SLC17A9: variants seen among roughly 807,000 people sequenced by gnomAD.
SLC17A9 encodes voltage-gated purine nucleotide uniporter SLC17A9.
In SLC17A9, 49 loss-of-function variants were observed where a neutral mutation model predicts 55.0. The ratio of observed to expected loss-of-function variants is 0.89; its 90% confidence interval spans 0.71 to 1.13. SLC17A9 has a LOEUF of 1.13. Among genes scored for constraint, SLC17A9 ranks in the 50% most tolerant of loss-of-function variants. The pLI is 0.00. For missense variants in SLC17A9, 526 were observed against 569.3 expected (o/e 0.92, Z 0.77); for synonymous variants, 256 against 247.4 (o/e 1.03, Z -0.32).
chr20:62,960,094 A>G (rs2065576279), intron 3 of SLC17A9, among the ~76,000 whole-genome samples: 1 of 152,264 alleles, frequency 6.6e-6, no homozygotes, highest in Non-Finnish European at 1.5e-5. Flanking sequence ...GTATGCGTGT[A>G]TCTGCATCAG....
rs768799274 is a variant in SLC17A9, at chr20:62,962,476, G to T, written c.498-148G>T. 1 of 994,470 alleles carries T rather than the reference G, an allele frequency of 1.0e-6. No individual in the cohort carries two copies. The highest frequency in any genetic ancestry group is 1.4e-6 in the Non-Finnish European group (1 of 698,898). 61.6% of individuals were successfully genotyped at this position (994,470 alleles called of 1,614,324 possible). A position where few individuals can be genotyped will look rare whatever the true frequency, so the allele number is the denominator to read the frequency against. On this transcript the variant is annotated intron_variant, in intron 4 of 12. Transcript: ENST00000370351. This position sits in a 1 kb window ranked among gnomAD's most constrained non-coding sequence, Gnocchi z 5.5. ...AGTCCTTAACAAAACAGGCCAGGAC[G>T]GTGGCTTCTGAGCTGCTCCTCTGGA... is the stretch of plus-strand genomic sequence containing the variant.
In SLC17A9 at chr20:62,958,687, C is replaced by A. The variant is rs558247051; in HGVS notation, c.397+1107C>A. Among the ~76,000 whole-genome samples the A allele has an allele frequency of 2.2e-4, 34 of 152,328 alleles. No individual in the cohort carries two copies. The South Asian group carries it at 6.8e-3, about 31-fold the overall frequency. On this transcript the variant is annotated intron_variant, in intron 3 of 12. Transcript: ENST00000370351. This position sits in a 1 kb window ranked among gnomAD's most constrained non-coding sequence, Gnocchi z 4.1. ...CCCTAGAACCTCTGCCCTCCCTCTC[C>A]TCCAAGTCCAGAGACTTTGGGGAGT...
At chr20:62,964,633 T>C (rs914709092) in intron 8 of SLC17A9, among the ~76,000 whole-genome samples, 11 of 152,180 alleles carry the variant, frequency 7.2e-5, no homozygotes, top group Non-Finnish European at 1.0e-4. Context: ...TTCCATGTGC[T>C]CCAGACCCAC....
In SLC17A9 at chr20:62,967,681, C is replaced by A. The variant is rs1005780203; in HGVS notation, c.*181C>A. ...ACAGCTGGTGGGAGGGTGGGGTGGG[C>A]CTGGGTCCAGACCAGGCTCGCTGCT... On this transcript the variant is annotated 3_prime_UTR_variant, in exon 13 of 13. Transcript: ENST00000370351. 13 of 568,590 alleles carry A rather than the reference C, an allele frequency of 2.3e-5. No homozygotes were observed. The African/African-American group carries it at 2.3e-4, about 10-fold the overall frequency. The allele number at this position is 568,590 out of a possible 1,614,324, so 35.2% of individuals were successfully genotyped here.
chr20:62,966,494 G>A (rs775386388), intron 10 of SLC17A9, 31 bp from the exon 11 acceptor site: 8 of 1,611,842 alleles, frequency 5.0e-6, no homozygotes, highest in Non-Finnish European at 6.8e-6. Flanking sequence ...TGGTGGCCAG[G>A]GCCACTCACC....
chr20:62,955,179 A>G (rs1601084093), intron 1 of SLC17A9, among the ~76,000 whole-genome samples: 1 of 140,758 alleles, frequency 7.1e-6, no homozygotes, highest in South Asian at 2.3e-4. Flanking sequence ...GTGGAGTCTC[A>G]CTCTGTCGCC....
At chr20:62,961,405 C>T (rs2147653732) in intron 4 of SLC17A9, among the ~76,000 whole-genome samples, 1 of 152,296 alleles carries the variant, frequency 6.6e-6, no homozygotes, top group South Asian at 2.1e-4. Context: ...GATGCGGCAA[C>T]CCCGTGCCCC....
chr20:62,954,345 C>G (rs2065517357), intron 1 of SLC17A9, among the ~76,000 whole-genome samples: 1 of 152,234 alleles, frequency 6.6e-6, no homozygotes, highest in East Asian at 1.9e-4. Flanking sequence ...GGGCGGCACC[C>G]ACACTCTCCG....
chr20:62,952,788 C>A lies in SLC17A9; in HGVS notation c.-43C>A. 1 of 1,528,616 alleles carries A rather than the reference C, an allele frequency of 6.5e-7. No individual in the cohort carries two copies. The allele number at this position is 1,528,616 out of a possible 1,614,324, so 94.7% of individuals were successfully genotyped here. A position where few individuals can be genotyped will look rare whatever the true frequency, so the allele number is the denominator to read the frequency against. On this transcript the variant is annotated 5_prime_UTR_variant, in exon 1 of 13. Transcript: ENST00000370351. ...GTCAGCCTGGGCTGGGAGGCAGCCC[C>A]GGGACACAGCTGTGCCCACGCCGTC...
rs989384205 is a variant in SLC17A9, at chr20:62,968,668, T to C, written c.*1168T>C. 1 of 150,578 alleles carries C rather than the reference T, an allele frequency of 6.6e-6. No homozygotes were observed. Among genetic ancestry groups the C allele is most frequent in the Non-Finnish European group, 1.5e-5 (1 of 67,564 alleles). 9.3% of individuals were successfully genotyped at this position (150,578 alleles called of 1,614,324 possible). ...TGTTAAAGACTTTCTGTAACTAATT[T>C]CATGAGGAAACGAGTGACACGTTGG... On this transcript the variant is annotated 3_prime_UTR_variant, in exon 13 of 13. Coordinates refer to ENST00000370351, the MANE Select transcript of SLC17A9 (RefSeq NM_022082.4).
In SLC17A9 at chr20:62,958,388, G is replaced by A. The variant is rs2065560677; in HGVS notation, c.397+808G>A. ...ATGATGCCTCCGATACTAGGGCCTT[G>A]GAGCGCCTTAACTGTCAGGAGAACA... On this transcript the variant is annotated intron_variant, in intron 3 of 12. Coordinates refer to ENST00000370351, the MANE Select transcript of SLC17A9 (RefSeq NM_022082.4). This position sits in a 1 kb window ranked among gnomAD's most constrained non-coding sequence, Gnocchi z 4.1. Among the ~76,000 whole-genome samples the A allele has an allele frequency of 6.6e-6, 1 of 152,084 alleles. No homozygotes were observed. Among genetic ancestry groups the A allele is most frequent in the Admixed American group, 6.5e-5 (1 of 15,288 alleles).
At chr20:62,965,337 G>T (rs1043423563) in intron 9 of SLC17A9, among the ~76,000 whole-genome samples, 171 bp downstream of exon 9, 1 of 152,234 alleles carries the variant, frequency 6.6e-6, no homozygotes, top group Non-Finnish European at 1.5e-5. Context: ...ACAGCTGTTG[G>T]GGGGAAGGCT....
chr20:62,953,113 C>G lies in SLC17A9; in HGVS notation c.59+224C>G, dbSNP rs1214816297. ...TCCAGGACCGGACCTGGCAAGTGCC[C>G]TATCCCAGCCAGTGTTCCTGGGGCT... is the stretch of plus-strand genomic sequence containing the variant. On this transcript the variant is annotated intron_variant, in intron 1 of 12. Coordinates refer to ENST00000370351, the MANE Select transcript of SLC17A9 (RefSeq NM_022082.4). The G allele has an allele frequency of 2.8e-6, 4 of 1,437,484 alleles. No homozygotes were observed. In the East Asian group the frequency reaches 7.6e-5, roughly 27 times the overall value. The allele number at this position is 1,437,484 out of a possible 1,614,324, so 89.0% of individuals were successfully genotyped here. A position where few individuals can be genotyped will look rare whatever the true frequency, so the allele number is the denominator to read the frequency against.
At chr20:62,964,969 T>C in intron 8 of SLC17A9, 163 bp from the exon 9 acceptor site, 1 of 740,024 alleles carries the variant, frequency 1.4e-6, no homozygotes, top group East Asian at 2.7e-5. Flanking sequence ...GCACCCCACA[T>C]GCGTGTGTGC....
chr20:62,956,246 A>G (rs912996881), intron 1 of SLC17A9, among the ~76,000 whole-genome samples: 1 of 152,184 alleles, frequency 6.6e-6, no homozygotes, highest in Non-Finnish European at 1.5e-5. Context: ...ACTTGCAGAG[A>G]GTGCCGAGAA....
At chr20:62,957,279 C>A in intron 2 of SLC17A9, 162 bp from the exon 3 acceptor site, 1 of 985,374 alleles carries the variant, frequency 1.0e-6, no homozygotes, top group South Asian at 4.7e-5. Context: ...CCCTGGAGTA[C>A]CTGGTCTCCT....
intron 1 of SLC17A9, 119 bp from the exon 2 acceptor site, chr20:62,956,646 C>A: frequency 2.1e-6 from 2 of 941,114 alleles, no homozygotes; most frequent in Non-Finnish European, 3.1e-6. Context: ...TGCCCTCCAT[C>A]AAAGCTGTCC....
rs780048387 is a variant in SLC17A9, at chr20:62,962,670, G to A, written c.544G>A (p.Gly182Ser). ...AVGSLLLEWY[G>S]WQSIFYFSGG... ...GGGCTCCCTGCTCCTGGAATGGTAC[G>A]GCTGGCAGAGCATCTTCTATTTCTC... Residue 182 changes from glycine (G) to serine (S), a missense_variant, in exon 5 of 13, where the codon GGC becomes AGC. By Grantham distance (56) the Gly-to-Ser change is moderately conservative. Coordinates refer to ENST00000370351, the MANE Select transcript of SLC17A9 (RefSeq NM_022082.4). This position sits in a 1 kb window ranked among gnomAD's most constrained non-coding sequence, Gnocchi z 5.5. 5.3e-5 allele frequency: 85 copies of A among 1,613,970 alleles called. No individual in the cohort carries two copies. Among genetic ancestry groups the A allele is most frequent in the Non-Finnish European group, 6.8e-5 (80 of 1,179,972 alleles).
intron 7 of SLC17A9, 43 bp downstream of exon 7, chr20:62,963,723 C>T: frequency 6.5e-7 from 1 of 1,531,746 alleles, no homozygotes; most frequent in South Asian, 1.2e-5. Context: ...GCCCAGAAGG[C>T]ACGAGGCTTG....
Sources: gnomAD v4.1 joint callset for allele counts (sites outside exome capture counted in the v4.1 genomes callset) on GRCh38, gnomAD v4.1.1 for gene constraint, Gnocchi (gnomAD v3.1) non-coding constraint, MANE v1.5 for transcripts, NCBI Gene and HGNC (gene_info 2026-07-23, HGNC 2026-07-21) for gene names.